LENG8: variants seen among roughly 807,000 people sequenced by gnomAD.
LENG8 encodes leukocyte receptor cluster member 8, also known as leukocyte receptor cluster (LRC) member 8.
A neutral mutation model predicts 102.1 loss-of-function variants in LENG8; 28 were observed. The observed-to-expected ratio is 0.27, with a 90% CI of 0.20 to 0.38. The LOEUF (loss-of-function observed/expected upper bound fraction) is 0.38, where lower values mean the gene tolerates loss of function less well. Among genes scored for constraint, LENG8 ranks in the 10% least tolerant of loss-of-function variants. LENG8 has a pLI of 1.00. For missense variants in LENG8, 1,022 were observed against 1,113.9 expected, an observed-to-expected ratio of 0.92 and a Z score of 1.17; for synonymous variants, 531 against 456.7, an observed-to-expected ratio of 1.16 and a Z score of -2.07.
chr19:54,453,510 C>T (rs1044151527), intron 4 of LENG8, 36 bp from the exon 5 acceptor site: 4 of 1,433,344 alleles, frequency 2.8e-6, no homozygotes, highest in African/African-American at 2.8e-5. Flanking sequence ...AAAGGGTAGG[C>T]CTCCCACTAA....
At chr19:54,460,108 C>G (rs1309165823) in intron 15 of LENG8, 2 of 1,289,688 alleles carry the variant, frequency 1.6e-6, no homozygotes, top group African/African-American at 1.5e-5. Context: ...GGCTCTGATC[C>G]CAGGGCTTCC....
intron 15 of LENG8, chr19:54,460,164 G>T (rs1269155197): frequency 1.6e-6 from 2 of 1,290,002 alleles, no homozygotes; most frequent in Non-Finnish European, 2.0e-6. Flanking sequence ...AGGACTTAGT[G>T]CCCCTCACTC....
intron 14 of LENG8, 22 bp downstream of exon 14, chr19:54,458,254 A>G (rs2084354160): frequency 1.2e-6 from 2 of 1,613,872 alleles, no homozygotes; most frequent in African/African-American, 1.3e-5. Flanking sequence ...TCCCCAGGAC[A>G]GAGGCCATGG....
chr19:54,457,804 G>C lies in LENG8; in HGVS notation c.1789G>C (p.Ala597Pro). 1 of 1,614,194 alleles carries C rather than the reference G, an allele frequency of 6.2e-7. No individual in the cohort carries two copies. The highest frequency in any genetic ancestry group is 8.5e-7 in the Non-Finnish European group (1 of 1,180,012). ...KCHWKEKQDY[A>P]FACEQMKSIR... is the part of the protein sequence containing the mutation. ...CCACTGGAAAGAGAAGCAGGACTAC[G>C]CGTTTGCCTGCGAGCAGATGAAGTC... is the stretch of plus-strand genomic sequence containing the variant. Residue 597 changes from alanine (A) to proline (P), a missense_variant, in exon 12 of 16, where the codon GCG (alanine) becomes CCG (proline). Around this residue, in one of 7 missense-constraint regions of LENG8, gnomAD observed 158 missense variants for 229.0 expected, o/e 0.69. Transcript: ENST00000326764.
intron 15 of LENG8, 80 bp downstream of exon 15, chr19:54,458,601 C>A: frequency 6.3e-7 from 1 of 1,589,536 alleles, no homozygotes; most frequent in Non-Finnish European, 8.6e-7. Context: ...AGCTCCTGGC[C>A]GCAGGCCTCC....
chr19:54,458,271 G>C (rs2084355786), intron 14 of LENG8, 39 bp downstream of exon 14: 10 of 1,613,764 alleles, frequency 6.2e-6, no homozygotes, highest in Non-Finnish European at 8.5e-6. Context: ...ATGGTACCCA[G>C]GGTTGAGCCC....
Position 54,455,437 on chromosome 19 carries a change from C to T in LENG8, c.895C>T (p.Arg299Cys), listed in dbSNP as rs771361831. The change falls in exon 8 of 16, where the codon CGC becomes TGC. Residue 299 changes from arginine to cysteine, a missense_variant. This residue lies in a region of LENG8 where 24 missense variants were observed against 47.9 expected (regional missense o/e 0.50). Coordinates refer to ENST00000326764, the MANE Select transcript of LENG8 (RefSeq NM_052925.4). ...CCAGGACATGAAAGAGTATGTGGAGCGCTGCTTCACCGCCTGTGAGTCGGA... is the reference window on the plus strand; with the variant it reads ...CCAGGACATGAAAGAGTATGTGGAGTGCTGCTTCACCGCCTGTGAGTCGGA... ...WPQDMKEYVERCFTACESEED... is the reference protein window; with the variant it reads ...WPQDMKEYVECCFTACESEED... The T allele has an allele frequency of 3.7e-6, 6 of 1,614,048 alleles. No homozygotes were observed. The highest frequency in any genetic ancestry group is 1.1e-5 in the South Asian group (1 of 91,090).
intron 4 of LENG8, 63 bp downstream of exon 4, chr19:54,452,815 G>A (rs1406767531): frequency 1.2e-5 from 14 of 1,202,064 alleles, no homozygotes; most frequent in Admixed American, 7.1e-5. Flanking sequence ...GGGGCGAGGT[G>A]AAGTGGAGTC....
chr19:54,460,121 G>C, intron 15 of LENG8: 1 of 1,289,952 alleles, frequency 7.8e-7, no homozygotes, highest in Non-Finnish European at 1.0e-6. Flanking sequence ...GGGCTTCCAG[G>C]AAAGCTCTGG....
chr19:54,460,936 G>T lies in LENG8; in HGVS notation c.*8G>T, dbSNP rs2084514011. On this transcript the variant is annotated 3_prime_UTR_variant, in exon 16 of 16. Transcript: ENST00000326764. ...CAGCTGTCAGCCTTCTGAGCACCCA[G>T]CGAGGAGGGGCGGGGGCAGGGGCTG... 6.5e-7 allele frequency: 1 copy of T among 1,543,046 alleles called. No individual in the cohort carries two copies. Among genetic ancestry groups the T allele is most frequent in the Non-Finnish European group, 8.7e-7 (1 of 1,147,568 alleles).
rs2084242858 is a variant in LENG8, at chr19:54,456,355, C to T, written c.1335C>T (p.Tyr445=). Residue 445 remains tyrosine, a synonymous_variant, in exon 10 of 16, where the codon TAC becomes TAT. Coordinates refer to ENST00000326764, the MANE Select transcript of LENG8 (RefSeq NM_052925.4). ...SDSHSDSDSS[Y]SGNECHPVGR... ...CCCACTCAGACTCCGACAGCTCCTA[C>T]TCAGGGAATGAGTGTCACCCTGTGG... The T allele has an allele frequency of 1.1e-5, 18 of 1,613,576 alleles. No individual in the cohort carries two copies. The highest frequency in any genetic ancestry group is 1.5e-5 in the Non-Finnish European group (18 of 1,180,010).
rs1336995934 is a variant in LENG8, at chr19:54,458,419, G to A, written c.2138G>A (p.Arg713His). The A allele has an allele frequency of 2.5e-6, 4 of 1,614,228 alleles. No homozygotes were observed. The highest frequency in any genetic ancestry group is 1.3e-5 in the African/African-American group (1 of 75,072). ...GCCTGGGCCCTGGGCAACTACCACC[G>A]CTTTTTCCGGCTCTACTGCCATGCA... ...RTAWALGNYH[R>H]FFRLYCHAPC... Residue 713 changes from arginine to histidine, a missense_variant, in exon 15 of 16, where the codon CGC (arginine) becomes CAC (histidine). Physicochemically the swap from Arg to His is conservative, Grantham distance 29 (BLOSUM62 0). Transcript: ENST00000326764.
At chr19:54,460,127 T>C (rs1463698350) in intron 15 of LENG8, 2 of 1,289,792 alleles carry the variant, frequency 1.6e-6, no homozygotes, top group Non-Finnish European at 2.0e-6. Context: ...CCAGGAAAGC[T>C]CTGGCTTTGG....
At chr19:54,460,260 C>G in intron 15 of LENG8, 1 of 1,278,068 alleles carries the variant, frequency 7.8e-7, no homozygotes, top group Non-Finnish European at 1.0e-6. Flanking sequence ...CTGGCTCGTG[C>G]TAGATGCTCA....
At position 54,457,972 on chromosome 19, in the gene LENG8, C is replaced by T. The variant is rs148970639; in HGVS notation, c.1872C>T (p.Tyr624=). ...GCACCGAGTTCACGGTGGAGGTGTA[C>T]GAGACCCATGCCCGGATCGCCTTGG... is the stretch of plus-strand genomic sequence containing the variant. ...GIRTEFTVEV[Y]ETHARIALEK... The change falls in exon 13 of 16, where the codon TAC becomes TAT. Residue 624 remains tyrosine (Y), a synonymous_variant. Transcript: ENST00000326764. The T allele has an allele frequency of 3.0e-5, 48 of 1,613,638 alleles. No homozygotes were observed. Among genetic ancestry groups the T allele is most frequent in the Admixed American group, 2.7e-4 (16 of 60,012 alleles).
At chr19:54,459,245 C>T in intron 15 of LENG8, 3 of 1,051,336 alleles carry the variant, frequency 2.9e-6, no homozygotes, top group Non-Finnish European at 3.4e-6. Context: ...GCCAGGGATG[C>T]TGCCCTGCCA....
At chr19:54,455,180 A>C in intron 7 of LENG8, 88 bp downstream of exon 7, 1 of 1,575,758 alleles carries the variant, frequency 6.3e-7, no homozygotes, top group Non-Finnish European at 8.7e-7. Context: ...GCCCACCCTG[A>C]GCCTCAGTGT....
intron 7 of LENG8, 60 bp downstream of exon 7, chr19:54,455,152 C>T: frequency 6.2e-7 from 1 of 1,603,874 alleles, no homozygotes; most frequent in Non-Finnish European, 8.5e-7. Context: ...GTCTATGGTC[C>T]AGTCCCACTG....
intron 3 of LENG8, 109 bp from the exon 4 acceptor site, chr19:54,452,541 AC>A: frequency 1.1e-6 from 1 of 893,346 alleles, no homozygotes; most frequent in South Asian, 1.4e-5. Flanking sequence ...AGATACATGG[AC>A]CCAGTTTCAT....
Sources: allele counts gnomAD v4.1 joint callset, GRCh38; gene constraint gnomAD v4.1.1; regional missense constraint gnomAD v4.1.1; transcripts MANE v1.5; gene names NCBI Gene and HGNC (gene_info 2026-07-23, HGNC 2026-07-21).